The following LRRTM4 variants were observed in gnomAD, a reference collection of about 807,000 sequenced individuals.
The protein encoded by LRRTM4 is leucine rich repeat transmembrane neuronal 4, also known as leucine-rich repeat transmembrane neuronal protein 4.
LRRTM4 carries 25 observed loss-of-function variants against 47.6 expected under a neutral mutation model. That is an observed-to-expected ratio of 0.53 (90% CI 0.38 to 0.73). The LOEUF (loss-of-function observed/expected upper bound fraction) is 0.73, where lower values mean the gene tolerates loss of function less well. Among genes scored for constraint, LRRTM4 ranks in the 30% least tolerant of loss-of-function variants. The pLI, the probability that LRRTM4 is intolerant of heterozygous loss-of-function variation, is 0.00. For synonymous variants in LRRTM4, 311 were observed against 269.5 expected (o/e 1.15, Z -1.51); for missense variants, 638 against 713.4 (o/e 0.89, Z 1.20).
intron 3 of LRRTM4, among the ~76,000 whole-genome samples, chr2:77,094,587 C>T (rs1483718939): frequency 2.0e-5 from 3 of 152,014 alleles, no homozygotes; most frequent in African/African-American, 4.8e-5. Context: ...GATACATCTA[C>T]CAGTGGAACA....
chr2:77,473,295 T>G (rs1029274905), intron 3 of LRRTM4, among the ~76,000 whole-genome samples: 1 of 152,182 alleles, frequency 6.6e-6, no homozygotes, highest in Non-Finnish European at 1.5e-5. Context: ...TTCTAATATT[T>G]AAAACAAATG....
intron 3 of LRRTM4, among the ~76,000 whole-genome samples, chr2:76,891,558 A>C (rs1015041324): frequency 6.6e-6 from 1 of 151,530 alleles, no homozygotes; most frequent in Non-Finnish European, 1.5e-5. Flanking sequence ...AAATTTATAC[A>C]AAAAAAATCC....
chr2:76,784,513 G>T (rs1674569876), intron 3 of LRRTM4, among the ~76,000 whole-genome samples: 1 of 152,000 alleles, frequency 6.6e-6, no homozygotes, highest in African/African-American at 2.4e-5. Context: ...TGGGTGATAA[G>T]ATTAAGCTGA....
At position 77,215,032 on chromosome 2, in the gene LRRTM4, G is replaced by A. The variant is rs1028840870; in HGVS notation, c.1551+303286C>T. Among the ~76,000 whole-genome samples the A allele has an allele frequency of 7.9e-5, 12 of 152,120 alleles. No individual in the cohort carries two copies. In the East Asian group the frequency reaches 9.6e-4, roughly 12 times the overall value. ...TCCAAGTGTCTCTTTTCAGTAAGAGGATAAGGACTAGCCATATATTCCCAG... is the reference window on the plus strand; with the variant it reads ...TCCAAGTGTCTCTTTTCAGTAAGAGAATAAGGACTAGCCATATATTCCCAG... On this transcript the variant is annotated intron_variant, in intron 3 of 3. Transcript: ENST00000409884.
In LRRTM4 at chr2:77,519,654, C is replaced by G. The variant is rs1164647156; in HGVS notation, c.215G>C (p.Ser72Thr). 1.2e-6 allele frequency: 2 copies of G among 1,613,452 alleles called. No individual in the cohort carries two copies. Among genetic ancestry groups the G allele is most frequent in the Non-Finnish European group, 1.7e-6 (2 of 1,179,606 alleles). Residue 72 changes from serine to threonine, a missense_variant, in exon 3 of 4, where the codon AGC becomes ACC. Ser to Thr is a moderately conservative substitution (Grantham distance 58, BLOSUM62 1). Transcript: ENST00000409884. This position sits in a 1 kb window ranked among gnomAD's most constrained non-coding sequence, Gnocchi z 4.6. ...CTGATTGGATTTGAGCTTCTGAATG[C>G]TGTTGAACCTTAATGATAAGCCTTG... ...GSQGLSLRFN[S>T]IQKLKSNQFA...
At position 76,762,930 on chromosome 2, in the gene LRRTM4, C is replaced by T. The variant is rs151034807; in HGVS notation, c.1552-14014G>A. ...ACAAGCTACTAGTGTCTTTTCACTT[C>T]TATCCCCTTGATGGGTAGAGTTTAT... On this transcript the variant is annotated intron_variant, in intron 3 of 3. Transcript: ENST00000409884. Among the ~76,000 whole-genome samples the T allele has an allele frequency of 1.9e-3, 282 of 152,294 alleles. 1 individual carries two copies. The highest frequency in any genetic ancestry group is 6.3e-3 in the African/African-American group (263 of 41,552).
rs61103340 is a variant in LRRTM4 at position 76,968,340 on chromosome 2, GTATATATATATATATATA to G, written c.1552-219442_1552-219425del. Among the ~76,000 whole-genome samples the G allele has an allele frequency of 1.7e-3, 129 of 76,644 alleles. 1 individual carries two copies. The highest frequency in any genetic ancestry group is 5.6e-3 in the South Asian group (10 of 1,776). 50.3% of individuals were successfully genotyped at this position (76,644 alleles called of 152,430 possible). A position where few individuals can be genotyped will look rare whatever the true frequency, so the allele number is the denominator to read the frequency against. ...TGTAAATACAAAAGTGTGTATGTGT[GTATATATATATATATATA>G]TATATATATATATATATATATATAT... On this transcript the variant is annotated intron_variant, in intron 3 of 3. Transcript: ENST00000409884.
chr2:77,245,934 T>C (rs970996066), intron 3 of LRRTM4, among the ~76,000 whole-genome samples: 11 of 152,148 alleles, frequency 7.2e-5, no homozygotes, highest in Non-Finnish European at 1.3e-4. Context: ...ATTTTGCCAA[T>C]TGCCAAGAAT....
chr2:77,360,647 C>T (rs972767946), intron 3 of LRRTM4, among the ~76,000 whole-genome samples: 2 of 152,004 alleles, frequency 1.3e-5, no homozygotes, highest in African/African-American at 4.8e-5. Flanking sequence ...AATTTGACTT[C>T]CCTAAACGTC....
intron 3 of LRRTM4, among the ~76,000 whole-genome samples, chr2:77,195,416 A>G (rs1673792894): frequency 6.6e-6 from 1 of 152,090 alleles, no homozygotes; most frequent in Non-Finnish European, 1.5e-5. Flanking sequence ...TAGCTTGAAT[A>G]AACAAGACCA....
chr2:77,512,714 T>A (rs1378839584), intron 3 of LRRTM4, among the ~76,000 whole-genome samples: 1 of 152,102 alleles, frequency 6.6e-6, no homozygotes, highest in East Asian at 1.9e-4. Flanking sequence ...GAACTAGGGA[T>A]GATTACATTT....
At position 77,051,392 on chromosome 2, in the gene LRRTM4, C is replaced by T. The variant is rs138156631; in HGVS notation, c.1552-302476G>A. ...AAGTGAGAGTGAAAGAACTGTTTAC[C>T]ATTTGCACTATGCACTTCCTAAAGA... On this transcript the variant is annotated intron_variant, in intron 3 of 3. Coordinates refer to ENST00000409884, the MANE Select transcript of LRRTM4 (RefSeq NM_001134745.3). 3.3e-3 allele frequency among the ~76,000 whole-genome samples: 506 copies of T among 152,180 alleles called. 1 individual carries two copies. Among genetic ancestry groups the T allele is most frequent in the African/African-American group, 0.012 (480 of 41,536 alleles).
intron 3 of LRRTM4, among the ~76,000 whole-genome samples, chr2:77,300,066 G>C (rs559163487): frequency 1.3e-5 from 2 of 152,034 alleles, no homozygotes; most frequent in Non-Finnish European, 2.9e-5. Flanking sequence ...TGGCCAGGAT[G>C]GTCTCGATCT....
At chr2:77,047,272 T>A (rs1339732633) in intron 3 of LRRTM4, among the ~76,000 whole-genome samples, 1 of 151,106 alleles carries the variant, frequency 6.6e-6, no homozygotes, top group Non-Finnish European at 1.5e-5. Context: ...TATTTCTCTT[T>A]TTTTCACAGG....
intron 3 of LRRTM4, among the ~76,000 whole-genome samples, chr2:77,477,919 GAAAGAAAGAA>G (rs1291908404): frequency 1.4e-5 from 1 of 70,576 alleles, no homozygotes; most frequent in Non-Finnish European, 3.2e-5. Context: ...AAGAAAGAAA[GAAAGAAAGAA>G]AGAAAGAAAG....
At position 77,168,368 on chromosome 2, in the gene LRRTM4, T is replaced by C. The variant is rs530271266; in HGVS notation, c.1551+349950A>G. Among the ~76,000 whole-genome samples, 3 of 152,190 alleles carry C rather than the reference T, an allele frequency of 2.0e-5. No homozygotes were observed. In the South Asian group the frequency reaches 6.2e-4, roughly 32 times the overall value. ...TGCTGTGTCTCTCCTTTTCTACAAA[T>C]CCTCTGCTACTTATTATCTCTTTTA... On this transcript the variant is annotated intron_variant, in intron 3 of 3. Coordinates refer to ENST00000409884, the MANE Select transcript of LRRTM4 (RefSeq NM_001134745.3).
chr2:76,941,955 C>T (rs1032007661), intron 3 of LRRTM4, among the ~76,000 whole-genome samples: 5 of 152,116 alleles, frequency 3.3e-5, no homozygotes, highest in Non-Finnish European at 7.4e-5. Context: ...ACTATTTTTC[C>T]ACATCGTCTC....
chr2:77,479,916 T>C (rs189794577), intron 3 of LRRTM4, among the ~76,000 whole-genome samples: 40 of 152,318 alleles, frequency 2.6e-4, no homozygotes, highest in Non-Finnish European at 4.9e-4. Context: ...AAAGGTTAAA[T>C]GTCTAGGTAA....
At chr2:76,782,511 C>A (rs765915761) in intron 3 of LRRTM4, among the ~76,000 whole-genome samples, 1 of 152,138 alleles carries the variant, frequency 6.6e-6, no homozygotes, top group Non-Finnish European at 1.5e-5. Flanking sequence ...CAGGAGGTGA[C>A]TATGAATTAT....
Sources: allele counts gnomAD v4.1 joint callset (sites outside exome capture counted in the v4.1 genomes callset), GRCh38; gene constraint gnomAD v4.1.1; non-coding constraint Gnocchi (gnomAD v3.1); transcripts MANE v1.5; gene names NCBI Gene and HGNC (gene_info 2026-07-23, HGNC 2026-07-21).